The following LRRC4C variants were observed in gnomAD, a reference collection of about 807,000 sequenced individuals.
LRRC4C encodes leucine rich repeat containing 4C, also known as leucine-rich repeat-containing protein 4C.
A neutral mutation model predicts 33.6 loss-of-function variants in LRRC4C; 5 were observed. The ratio of observed to expected loss-of-function variants is 0.15; its 90% CI spans 0.08 to 0.31. The LOEUF is 0.31. Among genes scored for constraint, LRRC4C ranks in the 10% least tolerant of loss-of-function variants. The probability of loss-of-function intolerance (pLI) is 1.00; values close to 1 mark genes in which losing one functional copy is unlikely to be tolerated. For missense variants in LRRC4C, 560 were observed against 796.7 expected (o/e 0.70, Z 3.58); for synonymous variants, 329 against 302.0 (o/e 1.09, Z -0.93).
intron 2 of LRRC4C, among the ~76,000 whole-genome samples, chr11:40,927,900 T>A (rs1033879924): frequency 6.6e-6 from 1 of 152,166 alleles, no homozygotes; most frequent in African/African-American, 2.4e-5. Context: ...ACGTATTCAT[T>A]TTTAAAGAGA....
At chr11:41,039,140 T>C (rs925111935) in intron 1 of LRRC4C, among the ~76,000 whole-genome samples, 1 of 152,194 alleles carries the variant, frequency 6.6e-6, no homozygotes, top group Non-Finnish European at 1.5e-5. Context: ...TTCATTCTTC[T>C]GCATATGGCT....
chr11:40,175,956 G>A (rs1002024102), intron 5 of LRRC4C, among the ~76,000 whole-genome samples: 3 of 152,096 alleles, frequency 2.0e-5, no homozygotes, highest in Non-Finnish European at 4.4e-5. Flanking sequence ...CTATATAGAG[G>A]CTGAGTAAGA....
At chr11:41,317,925 G>A (rs941644647) in intron 1 of LRRC4C, among the ~76,000 whole-genome samples, 3 of 151,936 alleles carry the variant, frequency 2.0e-5, no homozygotes, top group South Asian at 2.1e-4. Context: ...CAGCTATGAG[G>A]ATATATGGCA....
intron 2 of LRRC4C, among the ~76,000 whole-genome samples, chr11:40,801,578 A>G (rs973853047): frequency 6.6e-6 from 1 of 152,206 alleles, no homozygotes; most frequent in Non-Finnish European, 1.5e-5. Flanking sequence ...GATGTGCTCA[A>G]ACAACATTTG....
chr11:40,739,089 T>C (rs890062147), intron 2 of LRRC4C, among the ~76,000 whole-genome samples: 2 of 151,400 alleles, frequency 1.3e-5, no homozygotes, highest in Middle Eastern at 3.4e-3. Flanking sequence ...TTAGCAAATT[T>C]CAACTACACA....
At chr11:40,924,763 A>C (rs2136397828) in intron 2 of LRRC4C, among the ~76,000 whole-genome samples, 1 of 152,308 alleles carries the variant, frequency 6.6e-6, no homozygotes, top group Non-Finnish European at 1.5e-5. Context: ...TATCCCATAA[A>C]TGTGTACAAT....
intron 5 of LRRC4C, among the ~76,000 whole-genome samples, chr11:40,164,891 A>G (rs539257311): frequency 6.6e-6 from 1 of 152,214 alleles, no homozygotes; most frequent in Non-Finnish European, 1.5e-5. Context: ...TTATGTATCA[A>G]TAGAGTTTAT....
chr11:41,424,436 T>C (rs1954970338), intron 1 of LRRC4C, among the ~76,000 whole-genome samples: 1 of 152,004 alleles, frequency 6.6e-6, no homozygotes, highest in Non-Finnish European at 1.5e-5. Context: ...TGGAAGTACC[T>C]CAAGTAATAC....
rs777223363 is a variant in LRRC4C, at chr11:41,375,311, AAAGTGTGACATACGT to A, written c.-496+84105_-496+84119del. On this transcript the variant is annotated intron_variant, in intron 1 of 6. Coordinates refer to ENST00000528697, the MANE Select transcript of LRRC4C (RefSeq NM_001258419.2). ...ATGCCAGGTGCTAACAGGAAATCAG[AAAGTGTGACATACGT>A]AAGTACAATTTCCGTTGATGCTTAA... is the stretch of plus-strand genomic sequence containing the variant. 1.9e-3 allele frequency among the ~76,000 whole-genome samples: 294 copies of A among 152,264 alleles called. 4 individuals are homozygous for A. The highest frequency in any genetic ancestry group is 4.0e-4 in the Non-Finnish European group (27 of 68,014).
intron 2 of LRRC4C, among the ~76,000 whole-genome samples, chr11:40,674,935 G>T: frequency 6.6e-6 from 1 of 152,182 alleles, no homozygotes; most frequent in East Asian, 1.9e-4. Flanking sequence ...ATCACTGGCA[G>T]AACCAGACTT....
At chr11:40,569,406 C>T (rs930860049) in intron 3 of LRRC4C, among the ~76,000 whole-genome samples, 4 of 152,102 alleles carry the variant, frequency 2.6e-5, no homozygotes, top group African/African-American at 7.2e-5. Flanking sequence ...CTTTTACAGA[C>T]TTGCAAAACC....
intron 5 of LRRC4C, among the ~76,000 whole-genome samples, chr11:40,145,783 A>AT (rs1258735581): frequency 1.3e-5 from 2 of 152,042 alleles, no homozygotes; most frequent in African/African-American, 2.4e-5. Context: ...CCACTTTATT[A>AT]TTTTTTTCTA....
chr11:41,402,090 T>TA (rs1015327377), intron 1 of LRRC4C, among the ~76,000 whole-genome samples: 7 of 151,974 alleles, frequency 4.6e-5, no homozygotes, highest in Non-Finnish European at 8.8e-5. Flanking sequence ...TAGAGAGAGA[T>TA]AAAAAATACT....
intron 2 of LRRC4C, among the ~76,000 whole-genome samples, chr11:40,874,553 C>CT (rs200013271): frequency 0.014 from 2,085 of 152,232 alleles, 19 homozygotes; most frequent in Middle Eastern, 0.041. Flanking sequence ...CTTCACATCA[C>CT]TTTTTTTCCC....
chr11:40,452,829 C>T (rs1168808306), intron 3 of LRRC4C, among the ~76,000 whole-genome samples: 1 of 152,160 alleles, frequency 6.6e-6, no homozygotes, highest in Admixed American at 6.5e-5. Flanking sequence ...GGCACATATA[C>T]ACCATGGAAT....
At chr11:40,644,935 G>A (rs971258118) in intron 3 of LRRC4C, among the ~76,000 whole-genome samples, 5 of 148,532 alleles carry the variant, frequency 3.4e-5, no homozygotes, top group Admixed American at 1.3e-4. Flanking sequence ...ACAGGCACTC[G>A]GGATCTCTGT....
At chr11:40,857,730 C>T (rs988428881) in intron 2 of LRRC4C, among the ~76,000 whole-genome samples, 3 of 151,978 alleles carry the variant, frequency 2.0e-5, no homozygotes, top group Admixed American at 2.0e-4. Flanking sequence ...ACCTAGGCAG[C>T]ATGGCAAATC....
At chr11:41,442,498 C>G (rs1425210234) in intron 1 of LRRC4C, among the ~76,000 whole-genome samples, 6 of 93,106 alleles carry the variant, frequency 6.4e-5, no homozygotes, top group African/African-American at 2.6e-4. Flanking sequence ...GAGACAGAGT[C>G]TTGCTCTGTC....
Position 41,119,771 on chromosome 11 carries a change from T to A in LRRC4C, c.-495-186048A>T, listed in dbSNP as rs562064859. On this transcript the variant is annotated intron_variant, in intron 1 of 6. Coordinates refer to ENST00000528697, the MANE Select transcript of LRRC4C (RefSeq NM_001258419.2). ...GCTCTCTCTTGAAAAGTTGACCTGG[T>A]TTCACTTAGGCTAGATACATTTATG... Among the ~76,000 whole-genome samples, 5 of 152,296 alleles carry A rather than the reference T, an allele frequency of 3.3e-5. No individual in the cohort carries two copies. The South Asian group carries it at 1.0e-3, about 32-fold the overall frequency.
Sources: gnomAD v4.1 joint callset for allele counts (sites outside exome capture counted in the v4.1 genomes callset) on GRCh38, gnomAD v4.1.1 for gene constraint, MANE v1.5 for transcripts, NCBI Gene and HGNC (gene_info 2026-07-23, HGNC 2026-07-21) for gene names.